The following ZNF248 variants were observed in gnomAD, a reference collection of about 807,000 sequenced individuals.
ZNF248 encodes the protein zinc finger protein 248, also known as KRAB protein domain.
A neutral mutation model predicts 44.3 loss-of-function variants in ZNF248; 20 were observed. That is an observed-to-expected ratio of 0.45 (90% CI 0.32 to 0.66). The LOEUF is 0.66. Ranked by LOEUF, ZNF248 falls within the 30% of genes least tolerant of loss-of-function variation. ZNF248 has a pLI of 0.04. For missense variants in ZNF248, 654 were observed against 677.0 expected (o/e 0.97, Z 0.38); for synonymous variants, 224 against 229.0 (o/e 0.98, Z 0.20).
At chr10:37,850,338 G>GA (rs2060019876) in intron 3 of ZNF248, among the ~76,000 whole-genome samples, 1 of 152,122 alleles carries the variant, frequency 6.6e-6, no homozygotes, top group African/African-American at 2.4e-5. Context: ...GATATTTGCT[G>GA]AAAAAATAGC....
downstream of ZNF248, among the ~76,000 whole-genome samples, chr10:37,772,880 C>A (rs999028177): frequency 6.6e-6 from 1 of 152,152 alleles, no homozygotes; most frequent in Non-Finnish European, 1.5e-5. Context: ...ATGAATCAAA[C>A]CAAATCTTCA....
rs748004483 is a variant in ZNF248 at position 37,831,638 on chromosome 10, C to A, written c.1717G>T (p.Val573Leu). 6 of 1,613,658 alleles carry A rather than the reference C, an allele frequency of 3.7e-6. No individual in the cohort carries two copies. In the East Asian group the frequency reaches 1.3e-4, roughly 36 times the overall value. Reference sequence around the variant, plus strand: ...ATTCAGGATGTTGAAAGAGCTTTCACCCTTGTGTGAATTCTCTGATGTTTG... The same window carrying A: ...ATTCAGGATGTTGAAAGAGCTTTCAACCTTGTGTGAATTCTCTGATGTTTG... ...LTKHQRIHTRVKALSTS is the reference protein window; with the variant it reads ...LTKHQRIHTRLKALSTS The change falls in exon 6 of 6, where the codon GTG becomes TTG. Residue 573 changes from valine to leucine, a missense_variant. Transcript: ENST00000395867.
chr10:37,760,932 G>A, the ZNF248 span, among the ~76,000 whole-genome samples: 1 of 152,330 alleles, frequency 6.6e-6, no homozygotes, highest in East Asian at 1.9e-4. Context: ...AACATAAAAT[G>A]TCAGGATATT....
At chr10:37,839,313 C>T (rs1005339450) in intron 3 of ZNF248, among the ~76,000 whole-genome samples, 1 of 152,086 alleles carries the variant, frequency 6.6e-6, no homozygotes, top group African/African-American at 2.4e-5. Context: ...TGCTTTGTAT[C>T]CTTTCACTAC....
chr10:37,787,542 A>G (rs1238601918), intron 6 of ZNF248, among the ~76,000 whole-genome samples: 1 of 151,586 alleles, frequency 6.6e-6, no homozygotes, highest in Admixed American at 6.6e-5. Context: ...TGGTCAACTG[A>G]TTTTTGACAA....
chr10:37,787,274 A>G (rs2047993762), intron 6 of ZNF248, among the ~76,000 whole-genome samples: 1 of 151,994 alleles, frequency 6.6e-6, no homozygotes, highest in Non-Finnish European at 1.5e-5. Flanking sequence ...GCAAGACTCT[A>G]TCTCAAAACA....
At chr10:37,764,062 A>G in the ZNF248 span, among the ~76,000 whole-genome samples, 1 of 152,244 alleles carries the variant, frequency 6.6e-6, no homozygotes, top group Non-Finnish European at 1.5e-5. Flanking sequence ...GATAACCATT[A>G]GGTCTGGCTC....
chr10:37,811,927 C>T (rs573882244), intron 6 of ZNF248, among the ~76,000 whole-genome samples: 10 of 151,418 alleles, frequency 6.6e-5, no homozygotes, highest in African/African-American at 2.4e-4. Context: ...AGACAAGTTC[C>T]CAGATGCCAT....
At chr10:37,788,610 G>A (rs926741224) in intron 6 of ZNF248, among the ~76,000 whole-genome samples, 27 of 152,288 alleles carry the variant, frequency 1.8e-4, no homozygotes, top group African/African-American at 6.0e-4. Flanking sequence ...GATGGAACGA[G>A]ACTCTGTCTC....
At chr10:37,827,534 G>A (rs1439576590), downstream of ZNF248, among the ~76,000 whole-genome samples, 1 of 152,178 alleles carries the variant, frequency 6.6e-6, no homozygotes, top group Non-Finnish European at 1.5e-5. Context: ...TGAAAGAGAA[G>A]CCTGGGAATG....
chr10:37,775,553 CATG>C (rs1188031357), downstream of ZNF248: 2 of 152,154 alleles, frequency 1.3e-5, no homozygotes, highest in Non-Finnish European at 2.9e-5. Context: ...CAGCAAGAGC[CATG>C]ATGAGTGAGA....
the ZNF248 span, among the ~76,000 whole-genome samples, chr10:37,770,809 A>G: frequency 5.3e-5 from 8 of 152,150 alleles, no homozygotes; most frequent in Non-Finnish European, 1.0e-4. Context: ...GCACAGCAAA[A>G]GAAACTACCA....
chr10:37,784,747 C>G (rs2047689039), intron 6 of ZNF248, among the ~76,000 whole-genome samples: 1 of 152,138 alleles, frequency 6.6e-6, no homozygotes, highest in African/African-American at 2.4e-5. Flanking sequence ...AAACATCATC[C>G]TGGCCACTAC....
chr10:37,778,104 T>C (rs987303318), intron 6 of ZNF248, among the ~76,000 whole-genome samples: 8 of 152,170 alleles, frequency 5.3e-5, no homozygotes, highest in Admixed American at 3.3e-4. Flanking sequence ...CCCTGAGGAA[T>C]CGCCACACTG....
At chr10:37,828,372 C>T (rs2054740631), downstream of ZNF248, among the ~76,000 whole-genome samples, 4 of 152,074 alleles carry the variant, frequency 2.6e-5, no homozygotes, top group South Asian at 8.3e-4. Context: ...ATCTTCTTTT[C>T]TTTTTTCATT....
chr10:37,767,167 C>T, the ZNF248 span, among the ~76,000 whole-genome samples: 3 of 152,054 alleles, frequency 2.0e-5, no homozygotes, highest in South Asian at 2.1e-4. Context: ...CTGAAAGTGA[C>T]GGGGAGAAAG....
In ZNF248 at chr10:37,813,131, T is replaced by C. The variant is rs139230536; in HGVS notation, c.330+19894A>G. ...ACTTCACAACAGAGGAATTAACAGATGACTTGACAGAGATGAGCACTTCCA... is the reference window on the plus strand; with the variant it reads ...ACTTCACAACAGAGGAATTAACAGACGACTTGACAGAGATGAGCACTTCCA... On this transcript the variant is annotated intron_variant, in intron 6 of 6. Transcript: ENST00000615949. Among the ~76,000 whole-genome samples the C allele has an allele frequency of 1.5e-3, 228 of 151,860 alleles. 1 individual carries two copies. Among genetic ancestry groups the C allele is most frequent in the Admixed American group, 3.9e-3 (60 of 15,244 alleles).
At position 37,832,295 on chromosome 10, in the gene ZNF248, A is replaced by C. The variant is rs756408621; in HGVS notation, c.1060T>G (p.Tyr354Asp). The C allele has an allele frequency of 1.2e-6, 2 of 1,614,014 alleles. No individual in the cohort carries two copies. The highest frequency in any genetic ancestry group is 1.7e-6 in the Non-Finnish European group (2 of 1,179,944). The change falls in exon 6 of 6, where the codon TAC (tyrosine) becomes GAC (aspartate). Residue 354 changes from tyrosine (Y) to aspartate (D), a missense_variant. By Grantham distance (160) the Tyr-to-Asp change is radical. Transcript: ENST00000395867. ...IVHMGGKSYDYNENGSNFSKK... is the reference protein window; with the variant it reads ...IVHMGGKSYDDNENGSNFSKK... ...CTGAAATTACTCCCATTTTCATTGT[A>C]ATCATAAGACTTTCCCCCCATGTGT...
At chr10:37,827,675 T>C (rs1169421373), downstream of ZNF248, among the ~76,000 whole-genome samples, 3 of 151,868 alleles carry the variant, frequency 2.0e-5, no homozygotes, top group Non-Finnish European at 4.4e-5. Context: ...GGAATGGGAA[T>C]AGGTAAGTCT....
Sources: allele counts gnomAD v4.1 joint callset (sites outside exome capture counted in the v4.1 genomes callset), GRCh38; gene constraint gnomAD v4.1.1; transcripts MANE v1.5; gene names NCBI Gene and HGNC (gene_info 2026-07-23, HGNC 2026-07-21).